The following NAALAD2 variants were observed in gnomAD, a reference collection of about 807,000 sequenced individuals.
The protein encoded by NAALAD2 is N-acetylated alpha-linked acidic dipeptidase 2, also known as N-acetylated-alpha-linked acidic dipeptidase 2.
In NAALAD2, 89 loss-of-function variants were observed where a neutral mutation model predicts 95.6. The observed-to-expected ratio is 0.93, with a 90% CI of 0.78 to 1.11. NAALAD2 has a LOEUF of 1.11. Among genes scored for constraint, NAALAD2 ranks in the 50% least tolerant of loss-of-function variants. NAALAD2 has a pLI of 0.00. For missense variants in NAALAD2, 894 were observed against 872.4 expected (o/e 1.02, Z -0.31); for synonymous variants, 264 against 294.4 (o/e 0.90, Z 1.06).
chr11:90,186,108 T>C lies in NAALAD2; in HGVS notation c.2033+3100T>C, dbSNP rs1172559452. On this transcript the variant is annotated intron_variant, in intron 18 of 18. Coordinates refer to ENST00000534061, the MANE Select transcript of NAALAD2 (RefSeq NM_005467.4). ...TAGTTACATATGTATACATGTGCCA[T>C]GCTGGTGCGCTGCACCCACTAACTC... Among the ~76,000 whole-genome samples, 10 of 152,214 alleles carry C rather than the reference T, an allele frequency of 6.6e-5. No homozygotes were observed. The South Asian group carries it at 2.1e-3, about 32-fold the overall frequency.
At chr11:90,154,114 G>C (rs1015208490) in intron 6 of NAALAD2, among the ~76,000 whole-genome samples, 4 of 150,240 alleles carry the variant, frequency 2.7e-5, no homozygotes, top group African/African-American at 9.8e-5. Flanking sequence ...GTACTGGCTA[G>C]ACCCTCCAGG....
At chr11:90,191,515 T>G (rs761813427) in intron 18 of NAALAD2, 43 bp from the exon 19 acceptor site, 1 of 1,406,628 alleles carries the variant, frequency 7.1e-7, no homozygotes, top group Non-Finnish European at 9.5e-7. Flanking sequence ...GCAAAATGCA[T>G]GTATACACTT....
At chr11:90,186,670 T>C (rs1336893685) in intron 18 of NAALAD2, among the ~76,000 whole-genome samples, 1 of 149,396 alleles carries the variant, frequency 6.7e-6, no homozygotes, top group African/African-American at 2.5e-5. Flanking sequence ...TATACAAAAA[T>C]CAATTCAAGA....
chr11:90,159,179 A>T, intron 7 of NAALAD2, 60 bp from the exon 8 acceptor site: 1 of 1,284,868 alleles, frequency 7.8e-7, no homozygotes, highest in Non-Finnish European at 1.1e-6. Context: ...ATCAAACTTT[A>T]AAATTTCTCC....
At chr11:90,168,809 A>G (rs746871963) in intron 11 of NAALAD2, 120 bp from the exon 12 acceptor site, 9 of 743,746 alleles carry the variant, frequency 1.2e-5, no homozygotes, top group Admixed American at 2.8e-5. Context: ...AGATGGACCT[A>G]GCTATTTAAT....
Position 90,192,185 on chromosome 11 carries a change from T to C in NAALAD2, c.*438T>C, listed in dbSNP as rs565940459. ...AACAATGATCACAGCAATACTTGTATGCATGTTCATTGCAACTTAAAAGCG... is the reference window on the plus strand; with the variant it reads ...AACAATGATCACAGCAATACTTGTACGCATGTTCATTGCAACTTAAAAGCG... On this transcript the variant is annotated 3_prime_UTR_variant, in exon 19 of 19. Coordinates refer to ENST00000534061, the MANE Select transcript of NAALAD2 (RefSeq NM_005467.4). The C allele has an allele frequency of 2.0e-4, 30 of 152,354 alleles. No individual in the cohort carries two copies. Among genetic ancestry groups the C allele is most frequent in the African/African-American group, 6.7e-4 (28 of 41,586 alleles). The allele number at this position is 152,354 out of a possible 1,614,324, so 9.4% of individuals were successfully genotyped here. A position where few individuals can be genotyped will look rare whatever the true frequency, so the allele number is the denominator to read the frequency against.
rs747950760 is a variant in NAALAD2 at position 90,159,290 on chromosome 11, T to C, written c.942T>C (p.Asn314=). 3 of 1,613,990 alleles carry C rather than the reference T, an allele frequency of 1.9e-6. No individual in the cohort carries two copies. Among genetic ancestry groups the C allele is most frequent in the Non-Finnish European group, 2.5e-6 (3 of 1,179,908 alleles). ...ATAAGAGTTGGAAGGGAGCCCTTAA[T>C]GTGAGTTATAGTATCGGACCTGGCT... ...PPDKSWKGAL[N]VSYSIGPGFT... Residue 314 remains asparagine, a synonymous_variant, in exon 8 of 19, where the codon AAT becomes AAC. Transcript: ENST00000534061.
chr11:90,187,076 C>T (rs1857167831), intron 18 of NAALAD2, among the ~76,000 whole-genome samples: 2 of 152,122 alleles, frequency 1.3e-5, no homozygotes, highest in Admixed American at 1.3e-4. Flanking sequence ...AAAAAATGCT[C>T]ATCATCACTG....
At chr11:90,149,416 T>TTGTTTG (rs1440627587) in intron 4 of NAALAD2, among the ~76,000 whole-genome samples, 1 of 151,924 alleles carries the variant, frequency 6.6e-6, no homozygotes, top group African/African-American at 2.4e-5. Flanking sequence ...GTTTTTTTGT[T>TTGTTTG]TGTTTGTTTT....
chr11:90,156,936 A>G (rs1472804338), intron 6 of NAALAD2, among the ~76,000 whole-genome samples: 1 of 152,114 alleles, frequency 6.6e-6, no homozygotes, highest in Non-Finnish European at 1.5e-5. Context: ...TCTTTCTAAT[A>G]TTGATTTCTA....
intron 16 of NAALAD2, among the ~76,000 whole-genome samples, chr11:90,179,845 C>T (rs1293997328): frequency 6.6e-6 from 1 of 152,050 alleles, no homozygotes; most frequent in African/African-American, 2.4e-5. Flanking sequence ...TTCTTAGAGG[C>T]CTGGTTTGAT....
chr11:90,173,353 T>A (rs553125018), intron 13 of NAALAD2, among the ~76,000 whole-genome samples: 1 of 152,306 alleles, frequency 6.6e-6, no homozygotes, highest in African/African-American at 2.4e-5. Context: ...CCAAGACTTA[T>A]AGGTTAAGAA....
chr11:90,157,950 G>A (rs533869874), intron 6 of NAALAD2, among the ~76,000 whole-genome samples, 195 bp from the exon 7 acceptor site: 1 of 152,156 alleles, frequency 6.6e-6, no homozygotes, highest in South Asian at 2.1e-4. Flanking sequence ...CCATCTCTTG[G>A]CCTCATGATC....
intron 9 of NAALAD2, 48 bp from the exon 10 acceptor site, chr11:90,163,262 T>C: frequency 5.8e-6 from 9 of 1,557,312 alleles, no homozygotes; most frequent in Non-Finnish European, 7.9e-6. Flanking sequence ...TTACAAATAT[T>C]TATAATGTAT....
chr11:90,191,392 T>C (rs939157794), intron 18 of NAALAD2, among the ~76,000 whole-genome samples, 166 bp from the exon 19 acceptor site: 52 of 152,150 alleles, frequency 3.4e-4, no homozygotes, highest in African/African-American at 1.1e-3. Context: ...TGTTAGCTTC[T>C]TTCCTGGCTT....
At chr11:90,147,764 T>G (rs1951782184) in intron 3 of NAALAD2, among the ~76,000 whole-genome samples, 1 of 152,190 alleles carries the variant, frequency 6.6e-6, no homozygotes, top group Non-Finnish European at 1.5e-5. Context: ...ATGAAGATTA[T>G]GATTAGAATT....
intron 3 of NAALAD2, among the ~76,000 whole-genome samples, chr11:90,148,516 A>T (rs2134858792): frequency 6.6e-6 from 1 of 152,290 alleles, no homozygotes; most frequent in Non-Finnish European, 1.5e-5. Context: ...ATCCAGGATG[A>T]AATAACCACC....
Position 90,191,750 on chromosome 11 carries a change from G to C in NAALAD2, c.*3G>C. On this transcript the variant is annotated 3_prime_UTR_variant, in exon 19 of 19. Transcript: ENST00000534061. Reference sequence around the variant, plus strand: ...GAACTCTGAAAGAAGTATTATAGAAGGTCTCAAGTGGCTAGCCATTAAAGG... The same window carrying C: ...GAACTCTGAAAGAAGTATTATAGAACGTCTCAAGTGGCTAGCCATTAAAGG... 6.5e-7 allele frequency: 1 copy of C among 1,534,338 alleles called. No individual in the cohort carries two copies. The highest frequency in any genetic ancestry group is 2.3e-5 in the East Asian group (1 of 42,884).
At position 90,192,764 on chromosome 11, in the gene NAALAD2, C is replaced by T. The variant is rs999710628; in HGVS notation, c.*1017C>T. The T allele has an allele frequency of 1.4e-4, 22 of 152,096 alleles. No individual in the cohort carries two copies. The highest frequency in any genetic ancestry group is 5.3e-4 in the African/African-American group (22 of 41,542). The allele number at this position is 152,096 out of a possible 1,614,324, so 9.4% of individuals were successfully genotyped here. The stretch of plus-strand genomic sequence containing the variant: ...TGATGGGTGATGAAAATAGCTACTA[C>T]AATCTTCATATTCTAACTCCTATAA... On this transcript the variant is annotated 3_prime_UTR_variant, in exon 19 of 19. Coordinates refer to ENST00000534061, the MANE Select transcript of NAALAD2 (RefSeq NM_005467.4).
Sources: allele counts gnomAD v4.1 joint callset (sites outside exome capture counted in the v4.1 genomes callset), GRCh38; gene constraint gnomAD v4.1.1; transcripts MANE v1.5; gene names NCBI Gene and HGNC (gene_info 2026-07-23, HGNC 2026-07-21).